The following PLCL1 variants were observed in gnomAD, a reference collection of about 807,000 sequenced individuals.
PLCL1 encodes the protein inactive phospholipase C-like protein 1.
PLCL1 carries 41 observed loss-of-function variants against 84.4 expected under a neutral mutation model. That is an observed-to-expected ratio of 0.49 (90% CI 0.38 to 0.63). PLCL1 has a LOEUF of 0.63. Ranked by LOEUF, PLCL1 falls within the 30% of genes least tolerant of loss-of-function variation. PLCL1 has a pLI of 0.00. For missense variants in PLCL1, 1,206 were observed against 1,367.8 expected, an observed-to-expected ratio of 0.88 and a Z score of 1.87; for synonymous variants, 490 against 488.3, an observed-to-expected ratio of 1.00 and a Z score of -0.05.
At chr2:198,045,644 A>G (rs1691769183) in intron 1 of PLCL1, among the ~76,000 whole-genome samples, 1 of 152,216 alleles carries the variant, frequency 6.6e-6, no homozygotes, top group South Asian at 2.1e-4. Context: ...AAGGAGGAAG[A>G]CATTCATGGA....
chr2:197,900,813 G>A (rs750833755), intron 1 of PLCL1, among the ~76,000 whole-genome samples: 8 of 152,112 alleles, frequency 5.3e-5, no homozygotes, highest in Non-Finnish European at 1.2e-4. Context: ...TAAAATCTAA[G>A]GGCTTTTCTG....
chr2:197,845,201 G>A (rs1687097755), intron 1 of PLCL1, among the ~76,000 whole-genome samples: 1 of 151,962 alleles, frequency 6.6e-6, no homozygotes, highest in Admixed American at 6.6e-5. Flanking sequence ...TACCTTTGAG[G>A]GGCGGCATAC....
chr2:198,031,144 G>A (rs59990242), intron 1 of PLCL1, among the ~76,000 whole-genome samples: 29,711 of 150,190 alleles, frequency 0.2, 3,018 homozygotes, highest in East Asian at 0.26. Context: ...GTGGAGACAG[G>A]AGGATCACCT....
At chr2:197,992,205 T>A (rs189900260) in intron 1 of PLCL1, among the ~76,000 whole-genome samples, 30 of 152,240 alleles carry the variant, frequency 2.0e-4, no homozygotes, top group Admixed American at 1.3e-3. Flanking sequence ...CCAATCAGCA[T>A]TCATTTTTAA....
At chr2:197,940,072 A>G (rs1247593325) in intron 1 of PLCL1, among the ~76,000 whole-genome samples, 2 of 152,300 alleles carry the variant, frequency 1.3e-5, no homozygotes, top group African/African-American at 4.8e-5. Flanking sequence ...TTAACTGTAT[A>G]AATGGAAGCA....
intron 1 of PLCL1, among the ~76,000 whole-genome samples, chr2:198,055,294 CCTCTCTCTCT>C (rs772260935): frequency 3.3e-5 from 4 of 120,330 alleles, no homozygotes; most frequent in Non-Finnish European, 5.1e-5. Context: ...CTGGTCAAAG[CCTCTCTCTCT>C]CTCTCTCTCT....
At chr2:198,086,843 A>G (rs1048086758) in intron 2 of PLCL1, among the ~76,000 whole-genome samples, 4 of 152,234 alleles carry the variant, frequency 2.6e-5, no homozygotes, top group African/African-American at 7.2e-5. Context: ...ACCAAGTAGA[A>G]TATACAATAT....
chr2:197,963,759 TG>T (rs1322358457), intron 1 of PLCL1, among the ~76,000 whole-genome samples: 1 of 152,196 alleles, frequency 6.6e-6, no homozygotes, highest in Non-Finnish European at 1.5e-5. Flanking sequence ...ATTTGATTTT[TG>T]TATATTGTGA....
intron 1 of PLCL1, among the ~76,000 whole-genome samples, chr2:197,844,253 G>A (rs1316484794): frequency 1.3e-5 from 2 of 152,092 alleles, no homozygotes; most frequent in African/African-American, 2.4e-5. Flanking sequence ...CAGCACCCCA[G>A]AAGGAGCACA....
rs913866516 is a variant in PLCL1, at chr2:197,909,004, A to G, written c.240+103665A>G. Among the ~76,000 whole-genome samples the G allele has an allele frequency of 2.0e-5, 3 of 152,226 alleles. No homozygotes were observed. In the South Asian group the frequency reaches 6.2e-4, roughly 32 times the overall value. ...TATAGAAGAGAGGAGTCACTCAAGG[A>G]CCAAACACGAGACTCATGCTATTTC... On this transcript the variant is annotated intron_variant, in intron 1 of 5. Transcript: ENST00000428675.
At chr2:198,106,331 G>C (rs1432637412) in intron 5 of PLCL1, among the ~76,000 whole-genome samples, 1 of 151,914 alleles carries the variant, frequency 6.6e-6, no homozygotes, top group Non-Finnish European at 1.5e-5. Flanking sequence ...GTCCACAAGT[G>C]ATAAGCCCCT....
intron 1 of PLCL1, among the ~76,000 whole-genome samples, chr2:197,843,603 T>G (rs1300372389): frequency 2.6e-5 from 4 of 152,148 alleles, no homozygotes; most frequent in Non-Finnish European, 4.4e-5. Flanking sequence ...TGAACACAAA[T>G]GGAGTATCCT....
intron 1 of PLCL1, among the ~76,000 whole-genome samples, chr2:197,941,787 A>C (rs1259283930): frequency 6.6e-6 from 1 of 152,034 alleles, no homozygotes; most frequent in African/African-American, 2.4e-5. Context: ...TGGAGCATTA[A>C]CATCTTAGCC....
At position 197,804,951 on chromosome 2, in the gene PLCL1, C is replaced by G. The variant is rs1384434848; in HGVS notation, c.-149C>G. On this transcript the variant is annotated 5_prime_UTR_variant, in exon 1 of 6. Transcript: ENST00000428675. ...CCCCTCTCCAGAAAGTTGCCGCCGC[C>G]GCCGCCGCCGCCGCCACTGCCGCCG... is the stretch of plus-strand genomic sequence containing the variant. The G allele has an allele frequency of 1.8e-5, 18 of 982,340 alleles. No homozygotes were observed. The highest frequency in any genetic ancestry group is 2.4e-5 in the Non-Finnish European group (17 of 700,640). 60.9% of individuals were successfully genotyped at this position (982,340 alleles called of 1,614,324 possible).
chr2:198,005,990 T>C (rs1408926003), intron 1 of PLCL1, among the ~76,000 whole-genome samples: 3 of 152,220 alleles, frequency 2.0e-5, no homozygotes, highest in Admixed American at 6.5e-5. Flanking sequence ...ATAGGAATGC[T>C]GATTAAGGCA....
At chr2:198,028,981 G>A (rs1691341718) in intron 1 of PLCL1, among the ~76,000 whole-genome samples, 1 of 152,174 alleles carries the variant, frequency 6.6e-6, no homozygotes, top group South Asian at 2.1e-4. Context: ...GGATTCAGAT[G>A]AATTTATTAA....
intron 1 of PLCL1, among the ~76,000 whole-genome samples, chr2:198,020,633 G>C (rs1691111213): frequency 6.6e-6 from 1 of 151,690 alleles, no homozygotes; most frequent in Non-Finnish European, 1.5e-5. Flanking sequence ...TACCAACAAA[G>C]ATCAAAAAAG....
chr2:197,942,300 G>A (rs1238235989), intron 1 of PLCL1, among the ~76,000 whole-genome samples: 1 of 151,994 alleles, frequency 6.6e-6, no homozygotes, highest in Non-Finnish European at 1.5e-5. Flanking sequence ...TTAAAAAATT[G>A]CATCTTGCCC....
chr2:198,116,957 A>G (rs1693761848), intron 5 of PLCL1, among the ~76,000 whole-genome samples: 1 of 151,944 alleles, frequency 6.6e-6, no homozygotes, highest in Non-Finnish European at 1.5e-5. Context: ...AAATTGCTTT[A>G]CAATGTATTC....
Sources: allele counts gnomAD v4.1 joint callset (sites outside exome capture counted in the v4.1 genomes callset), GRCh38; gene constraint gnomAD v4.1.1; transcripts MANE v1.5; gene names NCBI Gene and HGNC (gene_info 2026-07-23, HGNC 2026-07-21).